The following SBF2 variants were observed in gnomAD, a reference collection of about 807,000 sequenced individuals.
SBF2 encodes myotubularin-related protein 13.
In SBF2, 112 loss-of-function variants were observed where a neutral mutation model predicts 225.2. The observed-to-expected ratio is 0.50, with a 90% confidence interval of 0.43 to 0.58. The LOEUF is 0.58. Ranked by LOEUF, SBF2 falls within the 20% of genes least tolerant of loss-of-function variation. The pLI is 0.00. For missense variants in SBF2, 1,996 were observed against 2,206.2 expected (o/e 0.90, Z 1.91); for synonymous variants, 763 against 773.3 (o/e 0.99, Z 0.22).
intron 1 of SBF2, among the ~76,000 whole-genome samples, chr11:10,202,194 T>C (rs951890757): frequency 5.9e-5 from 9 of 152,208 alleles, no homozygotes; most frequent in Non-Finnish European, 1.0e-4. Flanking sequence ...GAAAACTATA[T>C]GGTTGTACAT....
chr11:9,799,393 GTCC>G (rs1373608609), intron 32 of SBF2, among the ~76,000 whole-genome samples: 1 of 152,120 alleles, frequency 6.6e-6, no homozygotes, highest in African/African-American at 2.4e-5. Flanking sequence ...CTATGCATGT[GTCC>G]TCCTGTGTGC....
chr11:10,261,666 C>T (rs115626282), intron 1 of SBF2, among the ~76,000 whole-genome samples: 2,044 of 152,222 alleles, frequency 0.013, 32 homozygotes, highest in Admixed American at 0.021. Flanking sequence ...CTCACAAAAA[C>T]ACTTATAAGA....
At chr11:9,920,301 G>A (rs77838227) in intron 16 of SBF2, among the ~76,000 whole-genome samples, 2,168 of 151,886 alleles carry the variant, frequency 0.014, 43 homozygotes, top group African/African-American at 0.05. Context: ...TGGGAAGGGG[G>A]AAGAATTTAC....
intron 17 of SBF2, among the ~76,000 whole-genome samples, chr11:9,870,172 G>T (rs1858604824): frequency 6.6e-6 from 1 of 152,072 alleles, no homozygotes; most frequent in South Asian, 2.1e-4. Context: ...TCTTCAAAGA[G>T]AACTACAAAC....
chr11:9,952,611 T>G (rs1004624955), intron 16 of SBF2, among the ~76,000 whole-genome samples: 1 of 152,214 alleles, frequency 6.6e-6, no homozygotes, highest in Non-Finnish European at 1.5e-5. Context: ...CTGTTCTGCC[T>G]GTGGGTTTAT....
At chr11:9,978,384 G>A (rs989162521) in intron 13 of SBF2, among the ~76,000 whole-genome samples, 2 of 151,966 alleles carry the variant, frequency 1.3e-5, no homozygotes, top group African/African-American at 4.8e-5. Flanking sequence ...CTTTTCTGAA[G>A]GATATTAGGA....
At chr11:10,205,172 AAAATT>A (rs1213519735) in intron 1 of SBF2, among the ~76,000 whole-genome samples, 2 of 152,068 alleles carry the variant, frequency 1.3e-5, no homozygotes, top group African/African-American at 2.4e-5. Context: ...AACTTAAAAT[AAAATT>A]GAGTTTAAAA....
At chr11:9,930,134 C>A (rs774197086) in intron 16 of SBF2, among the ~76,000 whole-genome samples, 1 of 151,632 alleles carries the variant, frequency 6.6e-6, no homozygotes, top group African/African-American at 2.4e-5. Flanking sequence ...GGACATGTAC[C>A]TCAGAAATTA....
Position 9,845,616 on chromosome 11 carries a change from G to A in SBF2, c.3059C>T (p.Thr1020Ile). Reference protein sequence around the residue: ...FSTFAFAAGQTTPQIILPKQK... With the variant: ...FSTFAFAAGQITPQIILPKQK... ...TTTTGGTAAAATTATTTGTGGGGTA[G>A]TTTGTCCAGCAGCAAAAGCAAAGGT... Residue 1020 changes from threonine to isoleucine, a missense_variant, in exon 24 of 40, where the codon ACT becomes ATT. By Grantham distance (89) the Thr-to-Ile change is moderately conservative. Coordinates refer to ENST00000256190, the MANE Select transcript of SBF2 (RefSeq NM_030962.4). The A allele has an allele frequency of 6.2e-7, 1 of 1,613,944 alleles. No individual in the cohort carries two copies. The highest frequency in any genetic ancestry group is 8.5e-7 in the Non-Finnish European group (1 of 1,179,808).
intron 16 of SBF2, among the ~76,000 whole-genome samples, chr11:9,919,513 G>A (rs773071274): frequency 5.3e-5 from 8 of 152,082 alleles, no homozygotes; most frequent in East Asian, 1.9e-4. Context: ...TGAGAGGGTC[G>A]TGATCGATTG....
chr11:9,883,417 C>T (rs1459284223), intron 17 of SBF2, among the ~76,000 whole-genome samples: 3 of 151,960 alleles, frequency 2.0e-5, no homozygotes, highest in Admixed American at 2.0e-4. Flanking sequence ...CAGCTCTGTC[C>T]CCCAAAACAA....
At chr11:9,995,099 T>C (rs1169975627) in intron 9 of SBF2, among the ~76,000 whole-genome samples, 2 of 151,594 alleles carry the variant, frequency 1.3e-5, no homozygotes, top group Non-Finnish European at 2.9e-5. Flanking sequence ...AACTTTGCAG[T>C]CTAGACAGGT....
chr11:10,034,570 C>T lies in SBF2; in HGVS notation c.280-3400G>A, dbSNP rs1369177596. 2.6e-5 allele frequency among the ~76,000 whole-genome samples: 4 copies of T among 152,188 alleles called. No individual in the cohort carries two copies. In the East Asian group the frequency reaches 7.7e-4, roughly 29 times the overall value. On this transcript the variant is annotated intron_variant, in intron 3 of 39. Coordinates refer to ENST00000256190, the MANE Select transcript of SBF2 (RefSeq NM_030962.4). ...TCCTGACCCTTTTATCCTTAAAGAA[C>T]TGTTGCATCCAACATCTTCTCTGTG...
intron 6 of SBF2, among the ~76,000 whole-genome samples, chr11:10,005,865 C>T (rs377132581): frequency 3.9e-5 from 6 of 152,222 alleles, no homozygotes; most frequent in South Asian, 2.1e-4. Flanking sequence ...CAATTCTTCT[C>T]GGCCACAGTG....
chr11:10,136,673 A>T (rs1369438502), intron 2 of SBF2, among the ~76,000 whole-genome samples: 1 of 152,204 alleles, frequency 6.6e-6, no homozygotes, highest in Non-Finnish European at 1.5e-5. Context: ...TGAGCCTTTA[A>T]TCCGTGGGAA....
In SBF2 at chr11:9,882,555, T is replaced by C. The variant is rs574898239; in HGVS notation, c.1929+13388A>G. ...CGGGCATGGTGGCTCATGTCTGTAATCCCAGCACTTTGGGAGGCCAAGGCG... is the reference window on the plus strand; with the variant it reads ...CGGGCATGGTGGCTCATGTCTGTAACCCCAGCACTTTGGGAGGCCAAGGCG... On this transcript the variant is annotated intron_variant, in intron 17 of 39. Transcript: ENST00000256190. Among the ~76,000 whole-genome samples the C allele has an allele frequency of 3.3e-4, 50 of 152,242 alleles. No individual in the cohort carries two copies. The East Asian group carries it at 3.5e-3, about 11-fold the overall frequency.
At chr11:10,235,527 C>CAAA (rs797015174) in intron 1 of SBF2, among the ~76,000 whole-genome samples, 1 of 80,566 alleles carries the variant, frequency 1.2e-5, no homozygotes, top group East Asian at 5.0e-4. Context: ...GACTCCATCT[C>CAAA]AAAAAAAAAA....
Position 9,858,353 on chromosome 11 carries a change from T to C in SBF2, c.1973A>G (p.Gln658Arg), listed in dbSNP as rs1857471947. 1 of 1,614,216 alleles carries C rather than the reference T, an allele frequency of 6.2e-7. No homozygotes were observed. The highest frequency in any genetic ancestry group is 8.5e-7 in the Non-Finnish European group (1 of 1,180,018). ...CTGATTTGTCCAAATGGGGTGGTCT[T>C]GTACACACGTGTAAGCAAACTGGCT... ...GVSQFAYTCV[Q>R]DHPIWTNQQF... Residue 658 changes from glutamine (Q) to arginine (R), a missense_variant, in exon 18 of 40, where the codon CAA (glutamine) becomes CGA (arginine). Gln to Arg is a conservative substitution (Grantham distance 43). Coordinates refer to ENST00000256190, the MANE Select transcript of SBF2 (RefSeq NM_030962.4).
chr11:10,190,955 T>C (rs75391861), intron 2 of SBF2, among the ~76,000 whole-genome samples: 1 of 152,202 alleles, frequency 6.6e-6, no homozygotes, highest in African/African-American at 2.4e-5. Context: ...AGGGTTTGAA[T>C]CCTAGCTCTG....
Sources: allele counts gnomAD v4.1 joint callset (sites outside exome capture counted in the v4.1 genomes callset), GRCh38; gene constraint gnomAD v4.1.1; transcripts MANE v1.5; gene names NCBI Gene and HGNC (gene_info 2026-07-23, HGNC 2026-07-21).